Variants in MED28 observed in about 807,000 individuals in gnomAD.
MED28 encodes mediator complex subunit 28.
MED28 carries 26 observed loss-of-function variants against 21.3 expected under a neutral mutation model. The ratio of observed to expected loss-of-function variants is 1.22; its 90% CI spans 0.89 to 1.69. The LOEUF is 1.69. Among genes scored for constraint, MED28 ranks in the 40% most tolerant of loss-of-function variants. MED28 has a pLI of 0.00. For missense variants in MED28, 257 were observed against 215.4 expected (o/e 1.19, Z -1.21); for synonymous variants, 110 against 87.6 (o/e 1.26, Z -1.43).
chr4:17,622,805 G>T (rs1487987842), intron 3 of MED28, among the ~76,000 whole-genome samples: 1 of 152,196 alleles, frequency 6.6e-6, no homozygotes, highest in African/African-American at 2.4e-5. Context: ...CACAATCATG[G>T]CAGAAGGTGA....
rs1003562624 is a variant in MED28, at chr4:17,633,758, A to G, written c.*9960A>G. Reference sequence around the variant, plus strand: ...CCGGCCACAGCTGGGGCTTGGGTCCAAGCTGGGTGATGTAGTTATTGGAGG... The same window carrying G: ...CCGGCCACAGCTGGGGCTTGGGTCCGAGCTGGGTGATGTAGTTATTGGAGG... On this transcript the variant is annotated 3_prime_UTR_variant, in exon 4 of 4. Coordinates refer to ENST00000237380, the MANE Select transcript of MED28 (RefSeq NM_025205.5). 8 of 1,551,238 alleles carry G rather than the reference A, an allele frequency of 5.2e-6. No individual in the cohort carries two copies. The Admixed American group carries it at 7.9e-5, about 15-fold the overall frequency.
Position 17,614,808 on chromosome 4 carries a change from T to C in MED28, c.154T>C (p.Phe52Leu), listed in dbSNP as rs1714397846. 1 of 1,605,370 alleles carries C rather than the reference T, an allele frequency of 6.2e-7. No individual in the cohort carries two copies. Among genetic ancestry groups the C allele is most frequent in the Non-Finnish European group, 8.5e-7 (1 of 1,176,660 alleles). ...TTTGGTGGACGAGTTGGAGTCATCT[T>C]TCGAGGTAATATAAGACATGGGCGT... ...STLVDELESS[F>L]EACFASLVSQ... is the part of the protein sequence containing the mutation. Residue 52 changes from phenylalanine (F) to leucine (L), a missense_variant, in exon 1 of 4, where the codon TTC becomes CTC. Physicochemically the swap from Phe to Leu is conservative, Grantham distance 22 (BLOSUM62 0). Coordinates refer to ENST00000237380, the MANE Select transcript of MED28 (RefSeq NM_025205.5).
chr4:17,617,615 T>C (rs1185950517), intron 1 of MED28, among the ~76,000 whole-genome samples: 1 of 152,188 alleles, frequency 6.6e-6, no homozygotes, highest in African/African-American at 2.4e-5. Context: ...TAAAAAGCTG[T>C]TCTCTTTCTA....
In MED28 at chr4:17,614,654, C is replaced by G; in HGVS notation, c.-1C>G. ...TGGATCTCTCTTGCGCCATTCCAAA[C>G]ATGGCGGCTCCACTAGGGGGTATGT... On this transcript the variant is annotated 5_prime_UTR_variant, in exon 1 of 4. Transcript: ENST00000237380. 3 of 1,606,276 alleles carry G rather than the reference C, an allele frequency of 1.9e-6. No individual in the cohort carries two copies. The highest frequency in any genetic ancestry group is 2.5e-6 in the Non-Finnish European group (3 of 1,177,194).
chr4:17,633,704 G>A lies in MED28; in HGVS notation c.*9906G>A. The A allele has an allele frequency of 3.3e-6, 5 of 1,534,028 alleles. No individual in the cohort carries two copies. Among genetic ancestry groups the A allele is most frequent in the Non-Finnish European group, 4.4e-6 (5 of 1,138,584 alleles). ...TCCCCCAAACCTTGTGGCAGTTTTTGCATCTGTAGACTGGTTGGGTTTGTA... is the reference window on the plus strand; with the variant it reads ...TCCCCCAAACCTTGTGGCAGTTTTTACATCTGTAGACTGGTTGGGTTTGTA... On this transcript the variant is annotated 3_prime_UTR_variant, in exon 4 of 4. Coordinates refer to ENST00000237380, the MANE Select transcript of MED28 (RefSeq NM_025205.5).
rs1162130825 is a variant in MED28, at chr4:17,623,684, G to A, written c.423G>A (p.Gln141=). 6.2e-7 allele frequency: 1 copy of A among 1,614,246 alleles called. No homozygotes were observed. The highest frequency in any genetic ancestry group is 1.3e-5 in the African/African-American group (1 of 75,072). ...KHLTKLRHWQ[Q]VLEDINVQHK... The stretch of plus-strand genomic sequence containing the variant: ...TGACAAAGCTGAGGCATTGGCAGCA[G>A]GTGCTGGAGGACATCAACGTGCAGC... The change falls in exon 4 of 4, where the codon CAG becomes CAA. Residue 141 remains glutamine, a synonymous_variant. Coordinates refer to ENST00000237380, the MANE Select transcript of MED28 (RefSeq NM_025205.5).
rs1293325661 is a variant in MED28, at chr4:17,630,841, T to C, written c.*7043T>C. On this transcript the variant is annotated 3_prime_UTR_variant, in exon 4 of 4. Transcript: ENST00000237380. ...TGAACTGAACTTTCTATTTCTAAGC[T>C]GTCTTCATCTAATTTTACCTTTCTG... 1.3e-5 allele frequency: 2 copies of C among 152,176 alleles called. No individual in the cohort carries two copies. Among genetic ancestry groups the C allele is most frequent in the Non-Finnish European group, 2.9e-5 (2 of 68,032 alleles). The allele number at this position is 152,176 out of a possible 1,614,324, so 9.4% of individuals were successfully genotyped here. A position where few individuals can be genotyped will look rare whatever the true frequency, so the allele number is the denominator to read the frequency against.
At chr4:17,617,192 G>C (rs775251150) in intron 1 of MED28, among the ~76,000 whole-genome samples, 32 of 152,174 alleles carry the variant, frequency 2.1e-4, no homozygotes, top group Admixed American at 1.0e-3. Flanking sequence ...GGGTGATCAC[G>C]ATCTGTCTAG....
rs1714402271 is a variant in MED28, at chr4:17,614,897, G to T, written c.159+84G>T. On this transcript the variant is annotated intron_variant, in intron 1 of 3. Transcript: ENST00000237380. ...TGCGCGTACGCGTATCTCCTCCAGG[G>T]ATCCGAGCAACTAATTCACAAATGG... 5 of 1,446,190 alleles carry T rather than the reference G, an allele frequency of 3.5e-6. No individual in the cohort carries two copies. The South Asian group carries it at 7.1e-5, about 20-fold the overall frequency. 89.6% of individuals were successfully genotyped at this position (1,446,190 alleles called of 1,614,324 possible).
At chr4:17,623,398 CA>C (rs397880373) in intron 3 of MED28, among the ~76,000 whole-genome samples, 8,154 of 113,156 alleles carry the variant, frequency 0.072, 528 homozygotes, top group African/African-American at 0.22. Flanking sequence ...GACTTCGTCT[CA>C]AAAAAAAAAA....
Position 17,633,637 on chromosome 4 carries a change from C to T in MED28, c.*9839C>T. ...TGCTAGAAAGAATCCTACTTCCCCT[C>T]TTATCTACAGGGAAATAGAATAAGG... On this transcript the variant is annotated 3_prime_UTR_variant, in exon 4 of 4. Transcript: ENST00000237380. The T allele has an allele frequency of 7.2e-7, 1 of 1,379,410 alleles. No homozygotes were observed. The highest frequency in any genetic ancestry group is 1.7e-5 in the South Asian group (1 of 58,866). The allele number at this position is 1,379,410 out of a possible 1,614,324, so 85.4% of individuals were successfully genotyped here.
Position 17,621,634 on chromosome 4 carries a change from G to A in MED28, c.274G>A (p.Glu92Lys). The change falls in exon 3 of 4, where the codon GAA becomes AAA. Residue 92 changes from glutamate to lysine, a missense_variant. Glu to Lys is a moderately conservative substitution (Grantham distance 56, BLOSUM62 1). Transcript: ENST00000237380. ...GTTTCTGGATATTGCAAGACAGACA[G>A]AATGTTTTTTCTTACAAAAAAGATT... is the stretch of plus-strand genomic sequence containing the variant. ...QKFLDIARQT[E>K]CFFLQKRLQL... The A allele has an allele frequency of 6.2e-7, 1 of 1,611,044 alleles. No homozygotes were observed. Among genetic ancestry groups the A allele is most frequent in the Non-Finnish European group, 8.5e-7 (1 of 1,179,348 alleles).
rs764985240 is a variant in MED28 at position 17,628,370 on chromosome 4, C to G, written c.*4572C>G. 6.7e-6 allele frequency: 1 copy of G among 149,976 alleles called. No individual in the cohort carries two copies. Among genetic ancestry groups the G allele is most frequent in the African/African-American group, 2.5e-5 (1 of 40,716 alleles). The allele number at this position is 149,976 out of a possible 1,614,324, so 9.3% of individuals were successfully genotyped here. A position where few individuals can be genotyped will look rare whatever the true frequency, so the allele number is the denominator to read the frequency against. On this transcript the variant is annotated 3_prime_UTR_variant, in exon 4 of 4. Transcript: ENST00000237380. ...TGTATATATATATATGCAATTATACCTTTATCCCTACTCTAGTCCACCTTC... is the reference window on the plus strand; with the variant it reads ...TGTATATATATATATGCAATTATACGTTTATCCCTACTCTAGTCCACCTTC...
chr4:17,616,408 C>T (rs1325761277), intron 1 of MED28, among the ~76,000 whole-genome samples: 1 of 152,192 alleles, frequency 6.6e-6, no homozygotes, highest in Non-Finnish European at 1.5e-5. Context: ...TGGGCACTTG[C>T]TGAAAGACTG....
chr4:17,616,046 C>T (rs938063315), intron 1 of MED28, among the ~76,000 whole-genome samples: 2 of 152,016 alleles, frequency 1.3e-5, no homozygotes, highest in Admixed American at 6.5e-5. Context: ...CTGCAACCTC[C>T]GCCTCCCGGG....
rs146204780 is a variant in MED28, at chr4:17,626,147, G to T, written c.*2349G>T. 3,350 of 154,632 alleles carry T rather than the reference G, an allele frequency of 0.022. 120 individuals are homozygous for T. Among genetic ancestry groups the T allele is most frequent in the African/African-American group, 0.076 (3,171 of 41,606 alleles). The allele number at this position is 154,632 out of a possible 1,614,324, so 9.6% of individuals were successfully genotyped here. A position where few individuals can be genotyped will look rare whatever the true frequency, so the allele number is the denominator to read the frequency against. On this transcript the variant is annotated 3_prime_UTR_variant, in exon 4 of 4. Transcript: ENST00000237380. ...AGCACTTTGGGGGGCTGAGGCAGGAGAATCGCTTGAACCTGGGAGGCAGAG... is the reference window on the plus strand; with the variant it reads ...AGCACTTTGGGGGGCTGAGGCAGGATAATCGCTTGAACCTGGGAGGCAGAG...
At chr4:17,619,515 C>T (rs1419908346) in intron 1 of MED28, among the ~76,000 whole-genome samples, 3 of 152,072 alleles carry the variant, frequency 2.0e-5, no homozygotes, top group South Asian at 2.1e-4. Context: ...AAGGGTAGAC[C>T]GGCTGCTGTC....
rs1577236084 is a variant in MED28, at chr4:17,629,645, T to C, written c.*5847T>C. Reference sequence around the variant, plus strand: ...GATTTACCATTAAATACTGTTTTTTTCTCTCTCTTAACTTAATCCCGAATT... The same window carrying C: ...GATTTACCATTAAATACTGTTTTTTCCTCTCTCTTAACTTAATCCCGAATT... On this transcript the variant is annotated 3_prime_UTR_variant, in exon 4 of 4. Coordinates refer to ENST00000237380, the MANE Select transcript of MED28 (RefSeq NM_025205.5). 1 of 152,202 alleles carries C rather than the reference T, an allele frequency of 6.6e-6. No individual in the cohort carries two copies. Among genetic ancestry groups the C allele is most frequent in the East Asian group, 1.9e-4 (1 of 5,194 alleles). 9.4% of individuals were successfully genotyped at this position (152,202 alleles called of 1,614,324 possible). A position where few individuals can be genotyped will look rare whatever the true frequency, so the allele number is the denominator to read the frequency against.
rs1714938383 is a variant in MED28, at chr4:17,631,425, A to AAAGT, written c.*7628_*7631dup. ...AGCTCTCCTCCCATCTCAGCCTCCC[A>AAAGT]AAGTGTTGGGATTACAGGCATGAGC... is the stretch of plus-strand genomic sequence containing the variant. On this transcript the variant is annotated 3_prime_UTR_variant, in exon 4 of 4. Coordinates refer to ENST00000237380, the MANE Select transcript of MED28 (RefSeq NM_025205.5). 6.6e-6 allele frequency: 1 copy of AAAGT among 152,200 alleles called. No individual in the cohort carries two copies. Among genetic ancestry groups the AAAGT allele is most frequent in the African/African-American group, 2.4e-5 (1 of 41,418 alleles). 9.4% of individuals were successfully genotyped at this position (152,200 alleles called of 1,614,324 possible).
Sources: allele counts gnomAD v4.1 joint callset (sites outside exome capture counted in the v4.1 genomes callset), GRCh38; gene constraint gnomAD v4.1.1; transcripts MANE v1.5; gene names NCBI Gene and HGNC (gene_info 2026-07-23, HGNC 2026-07-21).